Variants in CSNK2A2 observed in about 807,000 individuals in gnomAD.
The protein encoded by CSNK2A2 is casein kinase II subunit alpha'.
CSNK2A2 carries 8 observed loss-of-function variants against 54.0 expected under a neutral mutation model. The ratio of observed to expected loss-of-function variants is 0.15; its 90% CI spans 0.09 to 0.27. The LOEUF (loss-of-function observed/expected upper bound fraction) is 0.27, where lower values mean the gene tolerates loss of function less well. Among genes scored for constraint, CSNK2A2 ranks in the 10% least tolerant of loss-of-function variants. The pLI is 1.00. For synonymous variants in CSNK2A2, 141 were observed against 153.9 expected (o/e 0.92, Z 0.62); for missense variants, 242 against 439.4 (o/e 0.55, Z 4.02).
At position 58,191,159 on chromosome 16, in the gene CSNK2A2, C is replaced by A. The variant is rs372699993; in HGVS notation, c.217-4303G>T. 3.8e-3 allele frequency among the ~76,000 whole-genome samples: 577 copies of A among 152,168 alleles called. 4 individuals carry two copies. Among genetic ancestry groups the A allele is most frequent in the African/African-American group, 0.013 (549 of 41,516 alleles). ...TGTACAATTCCACTTATATGAGATA[C>A]CTGGAGTAGTCAAATTCATAGAAAC... On this transcript the variant is annotated intron_variant, in intron 2 of 11. Coordinates refer to ENST00000262506, the MANE Select transcript of CSNK2A2 (RefSeq NM_001896.4).
intron 11 of CSNK2A2, chr16:58,163,743 T>C (rs1438112336): frequency 1.1e-5 from 2 of 188,328 alleles, no homozygotes; most frequent in Non-Finnish European, 2.2e-5. Flanking sequence ...ACTGAATGGG[T>C]TAATTCAACA....
At chr16:58,161,799 A>G (rs1049191805) in intron 11 of CSNK2A2, 1 of 152,230 alleles carries the variant, frequency 6.6e-6, no homozygotes, top group Non-Finnish European at 1.5e-5. Context: ...GTCTAAGTCT[A>G]AGGCATGAAG....
chr16:58,161,546 C>CACACACACACACACAG (rs372634548), intron 11 of CSNK2A2: 11 of 150,322 alleles, frequency 7.3e-5, no homozygotes, highest in African/African-American at 2.5e-4. Flanking sequence ...CAGACACACA[C>CACACACACACACACAG]ACAGACACAC....
chr16:58,164,469 C>T (rs1961503092), intron 10 of CSNK2A2, among the ~76,000 whole-genome samples: 1 of 152,040 alleles, frequency 6.6e-6, no homozygotes, highest in Non-Finnish European at 1.5e-5. Flanking sequence ...ATCTCTAACC[C>T]CTAATTTCTT....
At chr16:58,175,785 C>T (rs754062716) in intron 4 of CSNK2A2, among the ~76,000 whole-genome samples, 21 of 152,272 alleles carry the variant, frequency 1.4e-4, no homozygotes, top group Non-Finnish European at 2.2e-4. Context: ...GAGTAATTCC[C>T]CCTGCCAGCT....
intron 11 of CSNK2A2, chr16:58,163,849 G>A (rs1048504008): frequency 1.3e-5 from 6 of 457,130 alleles, no homozygotes; most frequent in Non-Finnish European, 2.4e-5. Flanking sequence ...CCTGAACTAG[G>A]TGCATCCCCA....
chr16:58,167,864 A>G, intron 6 of CSNK2A2, 69 bp from the exon 7 acceptor site: 1 of 1,124,450 alleles, frequency 8.9e-7, no homozygotes, highest in Non-Finnish European at 1.4e-6. Flanking sequence ...GAACAAGGCC[A>G]CATCACATTA....
chr16:58,180,188 A>G (rs1961997434), intron 4 of CSNK2A2, among the ~76,000 whole-genome samples: 1 of 152,084 alleles, frequency 6.6e-6, no homozygotes, highest in Non-Finnish European at 1.5e-5. Flanking sequence ...GGAAGAAAGA[A>G]GAAAAATAAG....
rs762840840 is a variant in CSNK2A2 at position 58,166,568 on chromosome 16, T to C, written c.827+16A>G. ...ACGGGGTAAGGTAAAGCACTCTCTC[T>C]CTCTCTCTTACTTACTGTCCCAGGA... On this transcript the variant is annotated intron_variant, in intron 9 of 11. Coordinates refer to ENST00000262506, the MANE Select transcript of CSNK2A2 (RefSeq NM_001896.4). 9 of 1,556,486 alleles carry C rather than the reference T, an allele frequency of 5.8e-6. No individual in the cohort carries two copies. In the East Asian group the frequency reaches 1.6e-4, roughly 27 times the overall value.
intron 4 of CSNK2A2, among the ~76,000 whole-genome samples, chr16:58,179,772 T>G (rs148509278): frequency 6.6e-6 from 1 of 151,952 alleles, no homozygotes; most frequent in Non-Finnish European, 1.5e-5. Flanking sequence ...CTTAAGCACA[T>G]GTATTGTCAA....
At chr16:58,176,433 G>A (rs1055489395) in intron 4 of CSNK2A2, among the ~76,000 whole-genome samples, 3 of 152,190 alleles carry the variant, frequency 2.0e-5, no homozygotes, top group African/African-American at 7.2e-5. Context: ...TTAGGACTAA[G>A]ATATTACAAA....
intron 5 of CSNK2A2, among the ~76,000 whole-genome samples, chr16:58,171,974 T>C (rs1453972335): frequency 1.4e-4 from 5 of 35,396 alleles, no homozygotes; most frequent in African/African-American, 7.5e-4. Flanking sequence ...TATATATATA[T>C]ATATATTTTT....
At chr16:58,163,197 T>C (rs1029901405) in intron 11 of CSNK2A2, 1 of 128,182 alleles carries the variant, frequency 7.8e-6, no homozygotes, top group African/African-American at 3.1e-5. Flanking sequence ...TGCATTAAAA[T>C]AGGCGCACAC....
At position 58,191,330 on chromosome 16, in the gene CSNK2A2, T is replaced by TAA. The variant is rs1384932597; in HGVS notation, c.217-4476_217-4475dup. ...AACATTACCCACTGAACTGTACACTTAAGAATGGTTAAGATGGTAAATTTT... is the reference window on the plus strand; with the variant it reads ...AACATTACCCACTGAACTGTACACTTAAAAGAATGGTTAAGATGGTAAATTTT... On this transcript the variant is annotated intron_variant, in intron 2 of 11. Transcript: ENST00000262506. Among the ~76,000 whole-genome samples, 88 of 152,188 alleles carry TAA rather than the reference T, an allele frequency of 5.8e-4. 1 individual carries two copies. The highest frequency in any genetic ancestry group is 2.1e-4 in the Non-Finnish European group (14 of 68,040).
chr16:58,190,484 C>T (rs922864632), intron 2 of CSNK2A2, among the ~76,000 whole-genome samples: 32 of 152,106 alleles, frequency 2.1e-4, no homozygotes, highest in Non-Finnish European at 3.4e-4. Context: ...ATTCACTACC[C>T]TGGTGGCATC....
chr16:58,181,548 A>G (rs1962041932), intron 4 of CSNK2A2, among the ~76,000 whole-genome samples: 1 of 152,196 alleles, frequency 6.6e-6, no homozygotes, highest in African/African-American at 2.4e-5. Flanking sequence ...AAAAACTCAC[A>G]CACAAAGAAA....
At chr16:58,167,128 G>T in intron 8 of CSNK2A2, 79 bp downstream of exon 8, 1 of 886,430 alleles carries the variant, frequency 1.1e-6, no homozygotes, top group Non-Finnish European at 1.8e-6. Flanking sequence ...AGTGGCTCAA[G>T]GATAGTATTC....
intron 10 of CSNK2A2, among the ~76,000 whole-genome samples, chr16:58,164,511 G>A (rs750332808): frequency 1.1e-4 from 17 of 152,084 alleles, no homozygotes; most frequent in Admixed American, 3.3e-4. Context: ...CACTTCAAAG[G>A]AAAGGTGAGT....
Position 58,172,679 on chromosome 16 carries a change from G to A in CSNK2A2, c.429+1772C>T, listed in dbSNP as rs117775363. Reference sequence around the variant, plus strand: ...AATTCTTTTGCCAAGTTTCCTAGTCGGACTCCCTATGGAGTTACTGACATG... The same window carrying A: ...AATTCTTTTGCCAAGTTTCCTAGTCAGACTCCCTATGGAGTTACTGACATG... On this transcript the variant is annotated intron_variant, in intron 5 of 11. Coordinates refer to ENST00000262506, the MANE Select transcript of CSNK2A2 (RefSeq NM_001896.4). Among the ~76,000 whole-genome samples the A allele has an allele frequency of 1.0e-3, 153 of 152,294 alleles. 1 individual carries two copies. In the East Asian group the frequency reaches 0.027, roughly 27 times the overall value.
Sources: gnomAD v4.1 joint callset for allele counts (sites outside exome capture counted in the v4.1 genomes callset) on GRCh38, gnomAD v4.1.1 for gene constraint, MANE v1.5 for transcripts, NCBI Gene and HGNC (gene_info 2026-07-23, HGNC 2026-07-21) for gene names.